SETDB2: variants seen among roughly 807,000 people sequenced by gnomAD.
The protein encoded by SETDB2 is SET domain bifurcated histone lysine methyltransferase 2.
SETDB2 carries 56 observed loss-of-function variants against 82.5 expected under a neutral mutation model. That is an observed-to-expected ratio of 0.68 (90% confidence interval 0.55 to 0.85). SETDB2 has a LOEUF of 0.85. SETDB2 is among the 40% of genes least tolerant of loss of function. SETDB2 has a pLI of 0.00. For synonymous variants in SETDB2, 272 were observed against 284.9 expected, an observed-to-expected ratio of 0.95 and a Z score of 0.46; for missense variants, 677 against 816.4, an observed-to-expected ratio of 0.83 and a Z score of 2.08.
chr13:49,463,037 GCTCT>G (rs1204064725), intron 4 of SETDB2, among the ~76,000 whole-genome samples: 1 of 151,938 alleles, frequency 6.6e-6, no homozygotes, highest in African/African-American at 2.4e-5. Flanking sequence ...ACGAAATCTT[GCTCT>G]CTCTCCCAGG....
chr13:49,464,439 CAA>C (rs1958060621), intron 4 of SETDB2, among the ~76,000 whole-genome samples: 2 of 152,098 alleles, frequency 1.3e-5, no homozygotes, highest in South Asian at 4.1e-4. Context: ...TTTAGTTTTG[CAA>C]GAGAGAGGCT....
intron 1 of SETDB2, chr13:49,446,020 AG>A (rs767582198): frequency 1.3e-4 from 25 of 196,956 alleles, no homozygotes; most frequent in East Asian, 6.8e-4. Flanking sequence ...ACTTGAGCCC[AG>A]AGTTCAAGAC....
At chr13:49,457,344 T>G (rs141813988) in intron 2 of SETDB2, among the ~76,000 whole-genome samples, 1 of 151,598 alleles carries the variant, frequency 6.6e-6, no homozygotes, top group Non-Finnish European at 1.5e-5. Flanking sequence ...TAGTAGCATG[T>G]GTTGGCATTT....
rs375807569 is a variant in SETDB2 at position 49,444,554 on chromosome 13, G to C, written c.-645G>C. The C allele has an allele frequency of 2.0e-3, 314 of 157,482 alleles. 1 individual carries two copies. Among genetic ancestry groups the C allele is most frequent in the African/African-American group, 7.2e-3 (298 of 41,578 alleles). The allele number at this position is 157,482 out of a possible 1,614,324, so 9.8% of individuals were successfully genotyped here. ...TGGCTGGCCCCCGACAGTTCCTCTA[G>C]CCGGGAGGTTGGAGGAGCTGAAAAC... On this transcript the variant is annotated 5_prime_UTR_variant, in exon 1 of 14. Transcript: ENST00000611815.
intron 7 of SETDB2, 85 bp downstream of exon 7, chr13:49,480,420 T>A (rs1958454854): frequency 3.9e-6 from 3 of 772,516 alleles, no homozygotes; most frequent in Non-Finnish European, 4.2e-6. Context: ...CTTATAGATG[T>A]TAAATCTGGT....
intron 5 of SETDB2, among the ~76,000 whole-genome samples, chr13:49,473,530 G>A (rs928970897): frequency 9.4e-5 from 12 of 127,920 alleles, no homozygotes; most frequent in African/African-American, 3.6e-4. Flanking sequence ...CAGCCTGGGT[G>A]ACAGAGTAAG....
chr13:49,467,068 G>A (rs1158578496), intron 4 of SETDB2, among the ~76,000 whole-genome samples: 1 of 152,022 alleles, frequency 6.6e-6, no homozygotes, highest in Non-Finnish European at 1.5e-5. Flanking sequence ...AACTTCTTTT[G>A]AGGGGGAAAG....
intron 5 of SETDB2, among the ~76,000 whole-genome samples, chr13:49,471,396 T>C (rs1278372551): frequency 6.6e-6 from 1 of 152,002 alleles, no homozygotes; most frequent in Non-Finnish European, 1.5e-5. Context: ...TATTTACTTT[T>C]GTGATTTTAG....
chr13:49,475,543 A>G (rs1268694525), intron 5 of SETDB2, among the ~76,000 whole-genome samples: 4 of 151,740 alleles, frequency 2.6e-5, no homozygotes, highest in African/African-American at 7.3e-5. Context: ...CTGGAGTGCA[A>G]TGGTGTGATC....
chr13:49,476,134 A>T (rs921049850), intron 5 of SETDB2, among the ~76,000 whole-genome samples: 1 of 152,144 alleles, frequency 6.6e-6, no homozygotes, highest in African/African-American at 2.4e-5. Flanking sequence ...AATATTCTGA[A>T]ATTAGGTATA....
intron 11 of SETDB2, 121 bp from the exon 12 acceptor site, chr13:49,488,169 C>T: frequency 7.6e-7 from 1 of 1,323,102 alleles, no homozygotes; most frequent in Non-Finnish European, 9.9e-7. Context: ...ATAATACTAC[C>T]TGCCTAACAC....
chr13:49,473,532 C>CA (rs1320558012), intron 5 of SETDB2, among the ~76,000 whole-genome samples: 10 of 118,394 alleles, frequency 8.4e-5, no homozygotes, highest in African/African-American at 3.3e-4. Context: ...GCCTGGGTGA[C>CA]AGAGTAAGAC....
At chr13:49,468,772 G>A (rs1436635877) in intron 5 of SETDB2, among the ~76,000 whole-genome samples, 1 of 151,962 alleles carries the variant, frequency 6.6e-6, no homozygotes, top group African/African-American at 2.4e-5. Flanking sequence ...TGCAGTTTGA[G>A]TGGGTCTCAA....
At chr13:49,486,504 A>G (rs997704241) in intron 11 of SETDB2, among the ~76,000 whole-genome samples, 1 of 152,192 alleles carries the variant, frequency 6.6e-6, no homozygotes, top group South Asian at 2.1e-4. Flanking sequence ...GACTTGATGC[A>G]TGACAAGAGG....
chr13:49,483,609 A>ATTTTTT (rs745508872), intron 10 of SETDB2, 46 bp downstream of exon 10: 9 of 220,514 alleles, frequency 4.1e-5, no homozygotes, highest in African/African-American at 1.2e-4. Flanking sequence ...TCTTTTTTAA[A>ATTTTTT]TTTTTTTTTT....
intron 2 of SETDB2, among the ~76,000 whole-genome samples, chr13:49,454,981 T>G (rs1211319960): frequency 6.6e-6 from 1 of 152,158 alleles, no homozygotes; most frequent in Non-Finnish European, 1.5e-5. Flanking sequence ...AAATTGAAAC[T>G]AAGAAGTTTC....
chr13:49,454,622 C>T lies in SETDB2; in HGVS notation c.16+2713C>T, dbSNP rs1400042555. On this transcript the variant is annotated intron_variant, in intron 2 of 13. Coordinates refer to ENST00000611815, the MANE Select transcript of SETDB2 (RefSeq NM_001160308.3). ...ATTTGTAATACAGTTAGATTCTCTT[C>T]ATAGTCTGCATTCCTTACTGAGATC... Among the ~76,000 whole-genome samples, 3 of 152,204 alleles carry T rather than the reference C, an allele frequency of 2.0e-5. No homozygotes were observed. The East Asian group carries it at 5.8e-4, about 29-fold the overall frequency.
At position 49,446,767 on chromosome 13, in the gene SETDB2, A is replaced by T. The variant is rs943729724; in HGVS notation, c.-342+1910A>T. 3.9e-5 allele frequency among the ~76,000 whole-genome samples: 6 copies of T among 152,302 alleles called. No homozygotes were observed. The East Asian group carries it at 1.2e-3, about 29-fold the overall frequency. On this transcript the variant is annotated intron_variant, in intron 1 of 13. Coordinates refer to ENST00000611815, the MANE Select transcript of SETDB2 (RefSeq NM_001160308.3). ...TTGTTTGATGTGTGCTGTATAGCACATTTTATTGCCATTCTCTGAGAACAT... is the reference window on the plus strand; with the variant it reads ...TTGTTTGATGTGTGCTGTATAGCACTTTTTATTGCCATTCTCTGAGAACAT...
chr13:49,462,632 G>A (rs1037239850), intron 4 of SETDB2, among the ~76,000 whole-genome samples: 1 of 152,182 alleles, frequency 6.6e-6, no homozygotes, highest in Non-Finnish European at 1.5e-5. Flanking sequence ...TGTCACATTT[G>A]CTGAAGTTTT....
Sources: gnomAD v4.1 joint callset for allele counts (sites outside exome capture counted in the v4.1 genomes callset) on GRCh38, gnomAD v4.1.1 for gene constraint, MANE v1.5 for transcripts, NCBI Gene and HGNC (gene_info 2026-07-23, HGNC 2026-07-21) for gene names.